Variants in STARD8 observed in about 807,000 individuals in gnomAD.
The protein encoded by STARD8 is stAR-related lipid transfer protein 8.
STARD8 carries 25 observed loss-of-function variants against 69.4 expected under a neutral mutation model. That is an observed-to-expected ratio of 0.36 (90% confidence interval 0.26 to 0.50). STARD8 has a LOEUF of 0.50. STARD8 is among the 20% of genes least tolerant of loss of function. STARD8 has a pLI of 0.96. For missense variants in STARD8, 921 were observed against 932.5 expected (o/e 0.99, Z 0.16); for synonymous variants, 389 against 374.6 (o/e 1.04, Z -0.45).
intron 2 of STARD8, among the ~76,000 whole-genome samples, chrX:68,667,621 G>A (rs756958608): frequency 3.6e-5 from 4 of 111,297 alleles, no homozygotes; most frequent in Non-Finnish European, 7.5e-5. Context: ...AGTGTTAGCA[G>A]CTTCTTGGCC....
At chrX:68,667,492 C>T (rs766801949) in intron 2 of STARD8, among the ~76,000 whole-genome samples, 10 of 112,164 alleles carry the variant, frequency 8.9e-5, no homozygotes, top group Non-Finnish European at 1.5e-4. Context: ...TGTTTTATTA[C>T]GTATTATTTG....
intron 2 of STARD8, among the ~76,000 whole-genome samples, chrX:68,675,568 T>C (rs900283277): frequency 7.6e-5 from 4 of 52,936 alleles, no homozygotes; most frequent in African/African-American, 3.0e-4. Flanking sequence ...AGTAGTGGGG[T>C]GGGGGGAGGG....
Position 68,720,909 on chromosome X carries a change from C to A in STARD8, c.2050-15C>A, listed in dbSNP as rs2080142089. ...GCATGTTTTCCTCACTCCCTCCCTC[C>A]CCTGCATGGAGTAGGTAGGCATCTT... On this transcript the variant is annotated splice_polypyrimidine_tract_variant and intron_variant, in intron 8 of 14. Coordinates refer to ENST00000374599, the MANE Select transcript of STARD8 (RefSeq NM_001142503.3). 1 of 1,205,458 alleles carries A rather than the reference C, an allele frequency of 8.3e-7. No homozygotes were observed. Among genetic ancestry groups the A allele is most frequent in the Non-Finnish European group, 1.1e-6 (1 of 891,007 alleles).
At chrX:68,706,176 C>T (rs374438444) in intron 2 of STARD8, among the ~76,000 whole-genome samples, 210 of 112,035 alleles carry the variant, frequency 1.9e-3, no homozygotes, top group African/African-American at 6.6e-3. Context: ...GAGTTCTGCC[C>T]GGTGACCTAA....
intron 1 of STARD8, among the ~76,000 whole-genome samples, chrX:68,653,084 A>G (rs1602534970): frequency 6.3e-5 from 1 of 15,890 alleles, no homozygotes; most frequent in Non-Finnish European, 1.1e-4. Context: ...CACACACCAC[A>G]CCACACACCA....
chrX:68,689,470 T>C (rs35600619), intron 2 of STARD8, among the ~76,000 whole-genome samples: 2 of 111,696 alleles, frequency 1.8e-5, no homozygotes, highest in Admixed American at 1.9e-4. Context: ...GGCTGGCACA[T>C]TGACTGGTGT....
At chrX:68,685,681 G>A (rs185239400) in intron 2 of STARD8, among the ~76,000 whole-genome samples, 4 of 112,666 alleles carry the variant, frequency 3.6e-5, no homozygotes, top group East Asian at 2.8e-4. Context: ...TAACTGCCCC[G>A]GCCTAGATGA....
At chrX:68,708,705 T>C (rs1007141476) in intron 2 of STARD8, among the ~76,000 whole-genome samples, 4 of 112,336 alleles carry the variant, frequency 3.6e-5, no homozygotes, top group African/African-American at 1.3e-4. Flanking sequence ...CTGCTGTTAC[T>C]GACCTATCCT....
At chrX:68,678,422 G>T (rs1213342466) in intron 2 of STARD8, among the ~76,000 whole-genome samples, 2 of 111,833 alleles carry the variant, frequency 1.8e-5, no homozygotes, top group Non-Finnish European at 3.8e-5. Flanking sequence ...GAGTGATAGG[G>T]TCAGTGAGTG....
At chrX:68,648,819 A>G (rs1029139471) in intron 1 of STARD8, among the ~76,000 whole-genome samples, 1 of 112,182 alleles carries the variant, frequency 8.9e-6, no homozygotes, top group Non-Finnish European at 1.9e-5. Context: ...ACTCTCAAGA[A>G]CCAAGAAACT....
chrX:68,716,615 G>C (rs904226723), intron 5 of STARD8, among the ~76,000 whole-genome samples, 184 bp downstream of exon 5: 2 of 111,327 alleles, frequency 1.8e-5, no homozygotes, highest in Non-Finnish European at 3.8e-5. Flanking sequence ...CTGGGAACTT[G>C]CTTTCTTGCT....
Position 68,668,095 on chromosome X carries a change from TTCTTTCTTTCTTTCTTTCTG to T in STARD8, c.79+2583_79+2602del, listed in dbSNP as rs1467782191. Among the ~76,000 whole-genome samples the T allele has an allele frequency of 8.9e-4, 88 of 98,360 alleles. 2 individuals are homozygous for T. Among genetic ancestry groups the T allele is most frequent in the African/African-American group, 3.0e-3 (76 of 25,283 alleles). The allele number at this position is 98,360 out of a possible 115,157, so 85.4% of individuals were successfully genotyped here. A position where few individuals can be genotyped will look rare whatever the true frequency, so the allele number is the denominator to read the frequency against. On this transcript the variant is annotated intron_variant, in intron 2 of 14. Coordinates refer to ENST00000374599, the MANE Select transcript of STARD8 (RefSeq NM_001142503.3). ...TTTCTTTCTTTCTTTCTTTCTTTCT[TTCTTTCTTTCTTTCTTTCTG>T]TCTTTCTTTCTTTCTTTCTCTTTCT... is the stretch of plus-strand genomic sequence containing the variant.
chrX:68,662,797 C>T (rs2079659691), intron 1 of STARD8, among the ~76,000 whole-genome samples: 1 of 111,993 alleles, frequency 8.9e-6, no homozygotes, highest in Non-Finnish European at 1.9e-5. Flanking sequence ...ACTCCCTCTG[C>T]TCAGTTCCAC....
chrX:68,694,434 A>T (rs1360758482), intron 2 of STARD8, among the ~76,000 whole-genome samples: 1 of 112,087 alleles, frequency 8.9e-6, no homozygotes, highest in African/African-American at 3.3e-5. Context: ...ATGGGTTTGG[A>T]TTAGAGGAAA....
chrX:68,652,972 CCA>C (rs1199547941), intron 1 of STARD8, among the ~76,000 whole-genome samples: 4 of 33,987 alleles, frequency 1.2e-4, no homozygotes, highest in Non-Finnish European at 1.1e-4. Flanking sequence ...ACACCACACA[CCA>C]CACACCACAC....
intron 1 of STARD8, among the ~76,000 whole-genome samples, chrX:68,650,555 A>G (rs1428929439): frequency 9.3e-6 from 1 of 107,087 alleles, no homozygotes; most frequent in Admixed American, 1.0e-4. Flanking sequence ...TAATCCCAGC[A>G]CTTTGGGATG....
intron 1 of STARD8, among the ~76,000 whole-genome samples, chrX:68,660,725 A>G (rs755962122): frequency 8.9e-6 from 1 of 112,617 alleles, no homozygotes; most frequent in Non-Finnish European, 1.9e-5. Flanking sequence ...CCAAGTGCAT[A>G]GAACACACAT....
At chrX:68,678,698 T>TC (rs1277159775) in intron 2 of STARD8, among the ~76,000 whole-genome samples, 1 of 111,978 alleles carries the variant, frequency 8.9e-6, no homozygotes, top group Non-Finnish European at 1.9e-5. Context: ...AGGCTCTAGA[T>TC]CCCCCACTCC....
chrX:68,699,003 C>T (rs1385923860), intron 2 of STARD8, among the ~76,000 whole-genome samples: 2 of 112,313 alleles, frequency 1.8e-5, no homozygotes, highest in Non-Finnish European at 3.8e-5. Flanking sequence ...CCTGAATTGC[C>T]ACAGCTTGGG....
Sources: gnomAD v4.1 joint callset for allele counts (sites outside exome capture counted in the v4.1 genomes callset) on GRCh38, gnomAD v4.1.1 for gene constraint, MANE v1.5 for transcripts, NCBI Gene and HGNC (gene_info 2026-07-23, HGNC 2026-07-21) for gene names.